CATSPER4: variants seen among roughly 807,000 people sequenced by gnomAD.
CATSPER4 encodes the protein cation channel sperm associated 4.
CATSPER4 carries 46 observed loss-of-function variants against 54.4 expected under a neutral mutation model. That is an observed-to-expected ratio of 0.84 (90% CI 0.67 to 1.08). The LOEUF is 1.08. Ranked by LOEUF, CATSPER4 falls within the 50% of genes least tolerant of loss-of-function variation. The pLI, the probability that CATSPER4 is intolerant of heterozygous loss-of-function variation, is 0.00. For missense variants in CATSPER4, 574 were observed against 612.8 expected (o/e 0.94, Z 0.67); for synonymous variants, 230 against 231.9 (o/e 0.99, Z 0.08).
chr1:26,200,639 G>C (rs899254117), intron 7 of CATSPER4, among the ~76,000 whole-genome samples, 191 bp from the exon 8 acceptor site: 7 of 151,850 alleles, frequency 4.6e-5, no homozygotes, highest in Non-Finnish European at 1.0e-4. Flanking sequence ...TTAAAGAGGT[G>C]GGGGGAGGTC....
intron 6 of CATSPER4, among the ~76,000 whole-genome samples, chr1:26,199,612 G>A (rs1293652586): frequency 8.2e-6 from 1 of 122,024 alleles, no homozygotes; most frequent in African/African-American, 3.2e-5. Flanking sequence ...AAAAAAAAAA[G>A]GAGTGTAGCT....
chr1:26,197,016 T>C (rs12117236), intron 3 of CATSPER4, among the ~76,000 whole-genome samples: 38,620 of 150,354 alleles, frequency 0.26, 5,281 homozygotes, highest in African/African-American at 0.33. Flanking sequence ...CAAGCAACTC[T>C]CCTGCCTCAG....
At chr1:26,192,089 A>C (rs964846376) in intron 2 of CATSPER4, among the ~76,000 whole-genome samples, 3 of 151,944 alleles carry the variant, frequency 2.0e-5, no homozygotes, top group African/African-American at 7.3e-5. Context: ...TCTGTGTCCA[A>C]CTTGAAGTTT....
Position 26,198,366 on chromosome 1 carries a change from C to T in CATSPER4, c.759C>T (p.Thr253=), listed in dbSNP as rs773455671. 9.9e-6 allele frequency: 16 copies of T among 1,614,012 alleles called. No individual in the cohort carries two copies. The African/African-American group carries it at 1.9e-4, about 19-fold the overall frequency. ...AGAACATACAGGTTGCGCTGTACAC[C>T]CTCTTCATCTGCATCACCCAGGACG... ...HFQNIQVALY[T]LFICITQDGW... is the part of the protein sequence containing the mutation. Residue 253 remains threonine, a synonymous_variant, in exon 6 of 10, where the codon ACC becomes ACT. Transcript: ENST00000456354.
chr1:26,200,069 T>C lies in CATSPER4; in HGVS notation c.987+11T>C, dbSNP rs1461624522. ...ATAACCTTTAGTGAGGTGCGTGGGA[T>C]GGGGAGGGCAGAAGGGAGGAAAAGG... is the stretch of plus-strand genomic sequence containing the variant. On this transcript the variant is annotated intron_variant, in intron 7 of 9. Transcript: ENST00000456354. 1.2e-6 allele frequency: 2 copies of C among 1,611,298 alleles called. No homozygotes were observed. The highest frequency in any genetic ancestry group is 3.4e-5 in the Admixed American group (2 of 59,574).
chr1:26,201,690 C>CA, intron 9 of CATSPER4, 171 bp downstream of exon 9: 1 of 395,794 alleles, frequency 2.5e-6, no homozygotes, highest in Non-Finnish European at 4.5e-6. Flanking sequence ...TCTTTCTTTC[C>CA]TTTTTTTTTT....
In CATSPER4 at chr1:26,201,445, A is replaced by G. The variant is rs760388086; in HGVS notation, c.1291A>G (p.Thr431Ala). ...CTCGTCGACGAGCGGGTCGTTGGAGACTACGTCATCCAAGGACATCCGCCA... is the reference window on the plus strand; with the variant it reads ...CTCGTCGACGAGCGGGTCGTTGGAGGCTACGTCATCCAAGGACATCCGCCA... ...RRSSTSGSLETTSSKDIRQMS... is the reference protein window; with the variant it reads ...RRSSTSGSLEATSSKDIRQMS... Residue 431 changes from threonine (T) to alanine (A), a missense_variant, in exon 9 of 10, where the codon ACT (threonine) becomes GCT (alanine). Thr to Ala is a moderately conservative substitution (Grantham distance 58). Coordinates refer to ENST00000456354, the MANE Select transcript of CATSPER4 (RefSeq NM_198137.2). 1.2e-6 allele frequency: 2 copies of G among 1,613,850 alleles called. No individual in the cohort carries two copies. Among genetic ancestry groups the G allele is most frequent in the Non-Finnish European group, 1.7e-6 (2 of 1,179,776 alleles).
chr1:26,201,341 G>C lies in CATSPER4; in HGVS notation c.1200-13G>C, dbSNP rs773742174. 6.2e-7 allele frequency: 1 copy of C among 1,613,568 alleles called. No homozygotes were observed. The highest frequency in any genetic ancestry group is 8.5e-7 in the Non-Finnish European group (1 of 1,179,874). On this transcript the variant is annotated splice_polypyrimidine_tract_variant and intron_variant, in intron 8 of 9. Coordinates refer to ENST00000456354, the MANE Select transcript of CATSPER4 (RefSeq NM_198137.2). ...TGAGGCCTTCTGAAAGGCACTCACT[G>C]CTCCACCCCCAGGATTGTGGAGGAG...
Position 26,190,735 on chromosome 1 carries a change from T to G in CATSPER4, c.108T>G (p.Ala36=). Residue 36 remains alanine (A), a synonymous_variant, in exon 1 of 10, where the codon GCT becomes GCG. Coordinates refer to ENST00000456354, the MANE Select transcript of CATSPER4 (RefSeq NM_198137.2). ...EDRMGFGGAV[A]ALRGRPSPLQ... ...GTATGGGGTTTGGAGGGGCAGTAGC[T>G]GCACTGAGGGGCCGCCCCTCTCCCC... The G allele has an allele frequency of 4.3e-6, 7 of 1,613,528 alleles. No individual in the cohort carries two copies. The highest frequency in any genetic ancestry group is 5.9e-6 in the Non-Finnish European group (7 of 1,179,908).
chr1:26,197,860 G>A (rs2124527151), intron 4 of CATSPER4, 77 bp downstream of exon 4: 2 of 1,608,830 alleles, frequency 1.2e-6, no homozygotes, highest in Non-Finnish European at 1.7e-6. Flanking sequence ...ACGACCAGCT[G>A]GAGATCAGCT....
At chr1:26,190,964 C>A (rs1270709934) in intron 1 of CATSPER4, 124 bp downstream of exon 1, 1 of 876,728 alleles carries the variant, frequency 1.1e-6, no homozygotes, top group Non-Finnish European at 1.8e-6. Context: ...TAGCACTGAT[C>A]CCTGAGTGAC....
chr1:26,194,360 T>A (rs2088907948), intron 3 of CATSPER4, among the ~76,000 whole-genome samples: 1 of 152,190 alleles, frequency 6.6e-6, no homozygotes, highest in Admixed American at 6.5e-5. Context: ...CAAATTGGAA[T>A]TTCATGTAAT....
At chr1:26,190,904 C>G in intron 1 of CATSPER4, 64 bp downstream of exon 1, 1 of 1,465,086 alleles carries the variant, frequency 6.8e-7, no homozygotes, top group Non-Finnish European at 9.3e-7. Flanking sequence ...AGCAGGCCCT[C>G]ATGGTAACTC....
At chr1:26,201,552 C>A in intron 9 of CATSPER4, 33 bp downstream of exon 9, 1 of 1,609,734 alleles carries the variant, frequency 6.2e-7, no homozygotes, top group South Asian at 1.1e-5. Context: ...AATGGGTACT[C>A]GCCCTGACAC....
chr1:26,201,684 T>TC (rs1402747875), intron 9 of CATSPER4, 165 bp downstream of exon 9: 11 of 632,822 alleles, frequency 1.7e-5, no homozygotes, highest in Middle Eastern at 3.0e-4. Flanking sequence ...TTTCTTTCTT[T>TC]CTTTCCTTTT....
chr1:26,200,089 A>G (rs2088990788), intron 7 of CATSPER4, 31 bp downstream of exon 7: 2 of 1,603,266 alleles, frequency 1.2e-6, no homozygotes, highest in East Asian at 4.5e-5. Flanking sequence ...AGAAGGGAGG[A>G]AAAGGAGTGT....
intron 2 of CATSPER4, among the ~76,000 whole-genome samples, chr1:26,192,103 G>A (rs974490486): frequency 4.0e-5 from 6 of 151,674 alleles, no homozygotes; most frequent in Non-Finnish European, 7.4e-5. Flanking sequence ...GAAGTTTAGT[G>A]TGACTTATCC....
At chr1:26,201,697 T>TTC in intron 9 of CATSPER4, 178 bp downstream of exon 9, 1 of 621,328 alleles carries the variant, frequency 1.6e-6, no homozygotes, top group Non-Finnish European at 2.8e-6. Context: ...TTCCTTTTTT[T>TTC]TTTTTTTTTT....
intron 1 of CATSPER4, 64 bp downstream of exon 1, chr1:26,190,904 C>T: frequency 6.8e-7 from 1 of 1,465,086 alleles, no homozygotes; most frequent in South Asian, 1.2e-5. Flanking sequence ...AGCAGGCCCT[C>T]ATGGTAACTC....
Sources: allele counts gnomAD v4.1 joint callset (sites outside exome capture counted in the v4.1 genomes callset), GRCh38; gene constraint gnomAD v4.1.1; transcripts MANE v1.5; gene names NCBI Gene and HGNC (gene_info 2026-07-23, HGNC 2026-07-21).